Variants in GLIS3 observed in about 807,000 individuals in gnomAD.
GLIS3 encodes the protein zinc finger protein GLIS3.
A neutral mutation model predicts 78.6 loss-of-function variants in GLIS3; 53 were observed. The observed-to-expected ratio is 0.67, with a 90% confidence interval of 0.54 to 0.85. The LOEUF (loss-of-function observed/expected upper bound fraction) is 0.85. Ranked by LOEUF, GLIS3 falls within the 40% of genes least tolerant of loss-of-function variation. GLIS3 has a pLI of 0.00. For synonymous variants in GLIS3, 684 were observed against 509.9 expected (o/e 1.34, Z -4.60); for missense variants, 1,703 against 1,231.1 (o/e 1.38, Z -5.74).
chr9:3,983,191 G>A (rs1267100683), intron 4 of GLIS3, among the ~76,000 whole-genome samples: 2 of 152,126 alleles, frequency 1.3e-5, no homozygotes, highest in African/African-American at 4.8e-5. Context: ...AAGATCTGAT[G>A]GTTTTAAAAA....
At chr9:3,960,979 A>C (rs564878726) in intron 4 of GLIS3, among the ~76,000 whole-genome samples, 31 of 152,336 alleles carry the variant, frequency 2.0e-4, no homozygotes, top group African/African-American at 7.2e-4. Context: ...TTGGCCTGCC[A>C]TAAAGAATTG....
Position 3,825,386 on chromosome 9 carries a change from G to A in GLIS3, c.*2886C>T, listed in dbSNP as rs1325094543. ...CTGACATTTTGATGCAGTTTCGTTA[G>A]GGAATTAAGACAATGCAGCCAATGA... On this transcript the variant is annotated 3_prime_UTR_variant, in exon 11 of 11. Transcript: ENST00000381971. The A allele has an allele frequency of 6.6e-6, 1 of 152,048 alleles. No homozygotes were observed. Among genetic ancestry groups the A allele is most frequent in the Non-Finnish European group, 1.5e-5 (1 of 68,026 alleles). The allele number at this position is 152,048 out of a possible 1,614,324, so 9.4% of individuals were successfully genotyped here. A position where few individuals can be genotyped will look rare whatever the true frequency, so the allele number is the denominator to read the frequency against.
At chr9:4,402,530 G>T in the GLIS3 span, among the ~76,000 whole-genome samples, 1 of 152,106 alleles carries the variant, frequency 6.6e-6, no homozygotes, top group African/African-American at 2.4e-5. Context: ...ACCTAGCAGA[G>T]AATTCAAAAC....
chr9:4,033,837 A>C lies in GLIS3; in HGVS notation c.1710+83931T>G, dbSNP rs898461385. 2.3e-5 allele frequency among the ~76,000 whole-genome samples: 3 copies of C among 132,710 alleles called. No homozygotes were observed. In the East Asian group the frequency reaches 7.5e-4, roughly 33 times the overall value. The allele number at this position is 132,710 out of a possible 152,430, so 87.1% of individuals were successfully genotyped here. ...ACATGGCAACACAAGGATTTGTTTAATTGCCCCCAAAAACATAGGCGAAGG... is the reference window on the plus strand; with the variant it reads ...ACATGGCAACACAAGGATTTGTTTACTTGCCCCCAAAAACATAGGCGAAGG... On this transcript the variant is annotated intron_variant, in intron 4 of 10. Coordinates refer to ENST00000381971, the MANE Select transcript of GLIS3 (RefSeq NM_001042413.2).
chr9:4,416,650 G>T, the GLIS3 span, among the ~76,000 whole-genome samples: 1 of 151,752 alleles, frequency 6.6e-6, no homozygotes, highest in African/African-American at 2.4e-5. Flanking sequence ...TAAATATGAA[G>T]TATTTGGCTG....
At chr9:4,345,280 A>G (rs1451011226) in intron 2 of GLIS3, among the ~76,000 whole-genome samples, 6 of 152,102 alleles carry the variant, frequency 3.9e-5, no homozygotes, top group Admixed American at 6.6e-5. Context: ...TACGTCAGGC[A>G]TTTTTGCTCA....
chr9:3,940,664 G>A (rs1160361866), intron 4 of GLIS3, among the ~76,000 whole-genome samples: 6 of 152,082 alleles, frequency 3.9e-5, no homozygotes, highest in South Asian at 4.1e-4. Flanking sequence ...ACAAACTCTC[G>A]GAATCCAAGG....
chr9:4,201,794 A>T (rs555210066), intron 2 of GLIS3, among the ~76,000 whole-genome samples: 1 of 152,196 alleles, frequency 6.6e-6, no homozygotes, highest in Non-Finnish European at 1.5e-5. Context: ...TGCTATTCCT[A>T]TTAAGCTAAT....
At chr9:4,413,967 G>A in the GLIS3 span, among the ~76,000 whole-genome samples, 1 of 152,108 alleles carries the variant, frequency 6.6e-6, no homozygotes, top group East Asian at 1.9e-4. Flanking sequence ...TTACAGACCT[G>A]TGGCCAGATG....
At chr9:3,897,689 T>A (rs1370272019) in intron 7 of GLIS3, among the ~76,000 whole-genome samples, 1 of 152,250 alleles carries the variant, frequency 6.6e-6, no homozygotes, top group Non-Finnish European at 1.5e-5. Flanking sequence ...CTTGCAATAC[T>A]TGCTTACTGC....
chr9:4,239,814 T>C (rs929162639), intron 2 of GLIS3, among the ~76,000 whole-genome samples: 3 of 152,236 alleles, frequency 2.0e-5, no homozygotes, highest in African/African-American at 7.2e-5. Context: ...AGAACTGTGG[T>C]TGATTTGTAT....
chr9:3,926,866 C>T (rs1477493200), intron 6 of GLIS3, among the ~76,000 whole-genome samples: 2 of 151,982 alleles, frequency 1.3e-5, no homozygotes, highest in Non-Finnish European at 2.9e-5. Context: ...CTCAAGTGAT[C>T]CACCCACCTC....
At chr9:4,076,175 T>G (rs1415902703) in intron 4 of GLIS3, among the ~76,000 whole-genome samples, 1 of 152,222 alleles carries the variant, frequency 6.6e-6, no homozygotes, top group Non-Finnish European at 1.5e-5. Context: ...TTTAAATCTG[T>G]AGAGTGTAGG....
At chr9:4,068,275 A>T (rs559401238) in intron 4 of GLIS3, among the ~76,000 whole-genome samples, 2 of 152,082 alleles carry the variant, frequency 1.3e-5, no homozygotes, top group Non-Finnish European at 2.9e-5. Flanking sequence ...CTAAAACTTC[A>T]GCGCAAGAAA....
At chr9:4,076,232 T>A (rs1165937130) in intron 4 of GLIS3, among the ~76,000 whole-genome samples, 1 of 152,182 alleles carries the variant, frequency 6.6e-6, no homozygotes, top group Non-Finnish European at 1.5e-5. Context: ...AGAACTATAA[T>A]CTCCATGTGA....
upstream of GLIS3, among the ~76,000 whole-genome samples, chr9:4,301,614 C>T (rs1228030019): frequency 2.0e-5 from 3 of 152,164 alleles, no homozygotes; most frequent in Non-Finnish European, 4.4e-5. Flanking sequence ...CAACTGCTTC[C>T]CAGGAGCAAG....
chr9:4,108,184 A>C (rs1830923828), intron 4 of GLIS3, among the ~76,000 whole-genome samples: 1 of 152,122 alleles, frequency 6.6e-6, no homozygotes, highest in Non-Finnish European at 1.5e-5. Context: ...TTTCACCTCC[A>C]TTTCTCTGAA....
intron 2 of GLIS3, among the ~76,000 whole-genome samples, chr9:4,252,932 AC>A (rs1824536389): frequency 1.3e-5 from 2 of 152,138 alleles, no homozygotes; most frequent in African/African-American, 4.8e-5. Flanking sequence ...CCTGGGTATC[AC>A]CAGTGGAGGC....
chr9:4,059,415 C>T (rs935349751), intron 4 of GLIS3, among the ~76,000 whole-genome samples: 13 of 152,304 alleles, frequency 8.5e-5, no homozygotes, highest in Middle Eastern at 3.4e-3. Flanking sequence ...AGAAAACTGC[C>T]AGAGTGCCAT....
Sources: gnomAD v4.1 joint callset for allele counts (sites outside exome capture counted in the v4.1 genomes callset) on GRCh38, gnomAD v4.1.1 for gene constraint, MANE v1.5 for transcripts, NCBI Gene and HGNC (gene_info 2026-07-23, HGNC 2026-07-21) for gene names.